The following CEP295NL variants were observed in gnomAD, a reference collection of about 807,000 sequenced individuals.
CEP295NL encodes CEP295 N-terminal like, also known as protein DDC8 homolog.
CEP295NL carries 3 observed loss-of-function variants against 4.6 expected under a neutral mutation model. The observed-to-expected ratio is 0.65, with a 90% CI of 0.30 to 1.69. CEP295NL has a LOEUF of 1.69. Among genes scored for constraint, CEP295NL ranks in the 40% most tolerant of loss-of-function variants. The probability of loss-of-function intolerance (pLI) is 0.10; values close to 1 mark genes in which losing one functional copy is unlikely to be tolerated. For missense variants in CEP295NL, 719 were observed against 769.0 expected, an observed-to-expected ratio of 0.93 and a Z score of 0.77; for synonymous variants, 295 against 312.2, an observed-to-expected ratio of 0.94 and a Z score of 0.58.
At chr17:78,899,900 CAT>C (rs1273621064) in intron 2 of CEP295NL, 2 of 152,220 alleles carry the variant, frequency 1.3e-5, no homozygotes, top group Non-Finnish European at 2.9e-5. Context: ...GTCTTTGAAA[CAT>C]AAAAATAGCT....
At position 78,893,260 on chromosome 17, in the gene CEP295NL, G is replaced by GGGGTGTGTGTGTAGGGGTGTGCGGGCAA. The variant is rs1491133899; in HGVS notation, c.45-829_45-802dup. Among the ~76,000 whole-genome samples the GGGGTGTGTGTGTAGGGGTGTGCGGGCAA allele has an allele frequency of 1.3e-3, 182 of 138,758 alleles. 1 individual carries two copies. The highest frequency in any genetic ancestry group is 4.9e-3 in the African/African-American group (174 of 35,554). 91.0% of individuals were successfully genotyped at this position (138,758 alleles called of 152,430 possible). ...ATGTGTGTGTAGGAGTGTGTGTGCA[G>GGGGTGTGTGTGTAGGGGTGTGCGGGCAA]GGGTGTGTGTGTAGGGGTGTGCGGG... On this transcript the variant is annotated intron_variant, in intron 2 of 2. Coordinates refer to ENST00000322630, the MANE Select transcript of CEP295NL (RefSeq NM_001243540.2).
chr17:78,890,936 A>G lies in CEP295NL; in HGVS notation c.1568T>C (p.Met523Thr). Reference protein sequence around the residue: ...RQKQLESLEQMEHPDMSLEIH... With the variant: ...RQKQLESLEQTEHPDMSLEIH... ...TTCCAAGCTCATATCTGGGTGTTCC[A>G]TTTGTTCAAGCGATTCCAGTTGTTT... Residue 523 changes from methionine to threonine, a missense_variant, in exon 3 of 3, where the codon ATG becomes ACG. Physicochemically the swap from Met to Thr is moderately conservative, Grantham distance 81 (BLOSUM62 -1). Transcript: ENST00000322630. 6.4e-7 allele frequency: 1 copy of G among 1,550,730 alleles called. No homozygotes were observed. The highest frequency in any genetic ancestry group is 1.4e-5 in the African/African-American group (1 of 73,034).
At position 78,891,872 on chromosome 17, in the gene CEP295NL, C is replaced by A. The variant is rs1364475484; in HGVS notation, c.632G>T (p.Gly211Val). 6.4e-7 allele frequency: 1 copy of A among 1,550,674 alleles called. No individual in the cohort carries two copies. The highest frequency in any genetic ancestry group is 8.7e-7 in the Non-Finnish European group (1 of 1,147,010). Residue 211 changes from glycine to valine, a missense_variant, in exon 3 of 3, where the codon GGT becomes GTT. Physicochemically the swap from Gly to Val is moderately radical, Grantham distance 109. Transcript: ENST00000322630. This position sits in a 1 kb window ranked among gnomAD's most constrained non-coding sequence, Gnocchi z 4.5. ...CGGGGCCAGGTGAGAATTCATCCGACCCGTGGCTTTTGTAGTCTGTGGTTT... is the reference window on the plus strand; with the variant it reads ...CGGGGCCAGGTGAGAATTCATCCGAACCGTGGCTTTTGTAGTCTGTGGTTT... ...PEKPQTTKAT[G>V]RMNSHLAPPE...
At position 78,891,849 on chromosome 17, in the gene CEP295NL, G is replaced by C; in HGVS notation, c.655C>G (p.Pro219Ala). ...ATGRMNSHLA[P>A]PEKRKGRPEP... is the part of the protein sequence containing the mutation. ...GGCCTTCCCTTTCTCTTCTCAGGCG[G>C]GGCCAGGTGAGAATTCATCCGACCC... Residue 219 changes from proline (P) to alanine (A), a missense_variant, in exon 3 of 3, where the codon CCG becomes GCG. Coordinates refer to ENST00000322630, the MANE Select transcript of CEP295NL (RefSeq NM_001243540.2). This position sits in a 1 kb window ranked among gnomAD's most constrained non-coding sequence, Gnocchi z 4.5. 1.3e-6 allele frequency: 2 copies of C among 1,550,708 alleles called. No homozygotes were observed. Among genetic ancestry groups the C allele is most frequent in the Non-Finnish European group, 8.7e-7 (1 of 1,147,014 alleles).
rs920650641 is a variant in CEP295NL, at chr17:78,891,250, C to T, written c.1254G>A (p.Ala418=). The change falls in exon 3 of 3, where the codon GCG becomes GCA. Residue 418 remains alanine (A), a synonymous_variant. Transcript: ENST00000322630. This position sits in a 1 kb window ranked among gnomAD's most constrained non-coding sequence, Gnocchi z 4.5. ...SPAEEEAQQA[A]SKTDLKTFMG... ...TGAACGTTTTCAAGTCGGTCTTGGA[C>T]GCTGCCTGCTGCGCCTCCTCCTCTG... The T allele has an allele frequency of 2.9e-5, 45 of 1,550,652 alleles. No homozygotes were observed. The South Asian group carries it at 3.4e-4, about 12-fold the overall frequency.
intron 2 of CEP295NL, 122 bp downstream of exon 2, chr17:78,901,663 G>C (rs1020224146): frequency 4.6e-5 from 33 of 710,588 alleles, no homozygotes; most frequent in Middle Eastern, 2.9e-4. Context: ...CTTCACTCTG[G>C]GTGCCTCAGT....
Position 78,890,758 on chromosome 17 carries a change from G to A in CEP295NL, c.1746C>T (p.Asp582=), listed in dbSNP as rs571031295. The change falls in exon 3 of 3, where the codon GAC becomes GAT. Residue 582 remains aspartate, a synonymous_variant. Coordinates refer to ENST00000322630, the MANE Select transcript of CEP295NL (RefSeq NM_001243540.2). ...CTCGGATCATCTGACTGTGCCGGTC[G>A]TCGTCGGCGAGGCTGGTGCCCGATG... ...TSPSGTSLAD[D]DRHSQMIRDQ... 1.4e-5 allele frequency: 21 copies of A among 1,550,628 alleles called. No homozygotes were observed. The Admixed American group carries it at 2.0e-4, about 14-fold the overall frequency.
intron 2 of CEP295NL, chr17:78,901,246 A>G (rs2070088039): frequency 6.4e-6 from 1 of 155,270 alleles, no homozygotes; most frequent in South Asian, 1.9e-4. Context: ...ACAGCTACGA[A>G]GTGCCTGTGC....
chr17:78,902,339 C>T (rs919820004), intron 1 of CEP295NL, among the ~76,000 whole-genome samples: 2 of 152,200 alleles, frequency 1.3e-5, no homozygotes, highest in Admixed American at 1.3e-4. Flanking sequence ...AACTCCTGAC[C>T]TCAGGTGATC....
chr17:78,893,426 T>G (rs2069946909), intron 2 of CEP295NL, among the ~76,000 whole-genome samples: 1 of 123,228 alleles, frequency 8.1e-6, no homozygotes, highest in African/African-American at 4.5e-5. Context: ...GGGGTGTGTG[T>G]GCAGGGGTGT....
chr17:78,897,151 T>C lies in CEP295NL; in HGVS notation c.44+4634A>G, dbSNP rs541078574. ...CCTCCGAAGGAGACTCCAGGCCTGCTGTGCACTCCTGTGGCATCGGGGGGC... is the reference window on the plus strand; with the variant it reads ...CCTCCGAAGGAGACTCCAGGCCTGCCGTGCACTCCTGTGGCATCGGGGGGC... On this transcript the variant is annotated intron_variant, in intron 2 of 2. Coordinates refer to ENST00000322630, the MANE Select transcript of CEP295NL (RefSeq NM_001243540.2). 1,930 of 230,484 alleles carry C rather than the reference T, an allele frequency of 8.4e-3. 33 individuals are homozygous for C. The highest frequency in any genetic ancestry group is 0.042 in the African/African-American group (1,804 of 42,992). The allele number at this position is 230,484 out of a possible 1,614,324, so 14.3% of individuals were successfully genotyped here. A position where few individuals can be genotyped will look rare whatever the true frequency, so the allele number is the denominator to read the frequency against.
intron 2 of CEP295NL, among the ~76,000 whole-genome samples, chr17:78,892,824 C>T (rs2069923019): frequency 6.6e-6 from 1 of 152,120 alleles, no homozygotes; most frequent in Non-Finnish European, 1.5e-5. Context: ...GGAGGGCTGC[C>T]CAAGACAGTG....
rs2069899107 is a variant in CEP295NL at position 78,891,744 on chromosome 17, T to C, written c.760A>G (p.Asn254Asp). 4.5e-6 allele frequency: 7 copies of C among 1,551,164 alleles called. No individual in the cohort carries two copies. The highest frequency in any genetic ancestry group is 6.1e-6 in the Non-Finnish European group (7 of 1,147,162). ...TCTCCCACAGCAGCCACGAGTGGGT[T>C]TGACCTTTCTAGGTCCGCCCCTTTG... ...RSKGADLERS[N>D]PLVAAVGEIG... The change falls in exon 3 of 3, where the codon AAC becomes GAC. Residue 254 changes from asparagine to aspartate, a missense_variant. Coordinates refer to ENST00000322630, the MANE Select transcript of CEP295NL (RefSeq NM_001243540.2). The surrounding 1 kb of genome is among the most constrained non-coding windows in gnomAD (Gnocchi z 4.5).
chr17:78,893,674 G>A (rs973445312), intron 2 of CEP295NL, among the ~76,000 whole-genome samples: 1 of 152,016 alleles, frequency 6.6e-6, no homozygotes, highest in African/African-American at 2.4e-5. Context: ...GTATGTATGT[G>A]TGCATGCAAG....
At chr17:78,893,405 G>GTGTGCGCGTATAGGTA (rs139652180) in intron 2 of CEP295NL, among the ~76,000 whole-genome samples, 1 of 128,298 alleles carries the variant, frequency 7.8e-6, no homozygotes, top group Non-Finnish European at 1.6e-5. Flanking sequence ...ATGCAGGGGT[G>GTGTGCGCGTATAGGTA]TGTGTGCATA....
intron 2 of CEP295NL, chr17:78,901,162 G>T (rs1378627452): frequency 6.5e-6 from 1 of 152,978 alleles, no homozygotes; most frequent in African/African-American, 2.4e-5. Flanking sequence ...CGAGAGCTCG[G>T]CAGAGACACC....
intron 1 of CEP295NL, among the ~76,000 whole-genome samples, chr17:78,902,144 T>C (rs2070103753): frequency 6.6e-6 from 1 of 152,192 alleles, no homozygotes; most frequent in Non-Finnish European, 1.5e-5. Flanking sequence ...TTTCACTATG[T>C]TGCCCAGGCT....
At chr17:78,895,309 G>C (rs2069981369) in intron 2 of CEP295NL, among the ~76,000 whole-genome samples, 1 of 152,058 alleles carries the variant, frequency 6.6e-6, no homozygotes, top group African/African-American at 2.4e-5. Context: ...ATAAAAATCA[G>C]CAACAGATTT....
At chr17:78,892,617 G>T in intron 2 of CEP295NL, 158 bp from the exon 3 acceptor site, 2 of 1,135,306 alleles carry the variant, frequency 1.8e-6, no homozygotes, top group South Asian at 1.7e-5. Context: ...CCCACTCTCA[G>T]CCTCCCAATT....
Sources: gnomAD v4.1 joint callset for allele counts (sites outside exome capture counted in the v4.1 genomes callset) on GRCh38, gnomAD v4.1.1 for gene constraint, Gnocchi (gnomAD v3.1) non-coding constraint, MANE v1.5 for transcripts, NCBI Gene and HGNC (gene_info 2026-07-23, HGNC 2026-07-21) for gene names.